Variants in TRPV4 observed in about 807,000 individuals in gnomAD.
TRPV4 encodes OSM9-like transient receptor potential channel 4.
A neutral mutation model predicts 84.1 loss-of-function variants in TRPV4; 58 were observed. The ratio of observed to expected loss-of-function variants is 0.69; its 90% CI spans 0.56 to 0.86. The LOEUF (loss-of-function observed/expected upper bound fraction) is 0.86, where lower values mean the gene tolerates loss of function less well. Among genes scored for constraint, TRPV4 ranks in the 40% least tolerant of loss-of-function variants. The pLI is 0.00. For missense variants in TRPV4, 879 were observed against 1,181.1 expected, an observed-to-expected ratio of 0.74 and a Z score of 3.75; for synonymous variants, 489 against 500.9, an observed-to-expected ratio of 0.98 and a Z score of 0.32.
chr12:109,805,785 C>T (rs1007066470), intron 3 of TRPV4, among the ~76,000 whole-genome samples: 1 of 152,212 alleles, frequency 6.6e-6, no homozygotes, highest in Admixed American at 6.5e-5. Context: ...GACCCACCTC[C>T]AAAGCCTATC....
chr12:109,793,172 A>G lies in TRPV4; in HGVS notation c.1658+355T>C, dbSNP rs1890151823. Among the ~76,000 whole-genome samples, 1 of 152,186 alleles carries G rather than the reference A, an allele frequency of 6.6e-6. No individual in the cohort carries two copies. ...GTAACACACACTCAGTAACTCTCTC[A>G]TTCTCTGTCCCAGGCAGACATCATT... On this transcript the variant is annotated intron_variant, in intron 10 of 15. Coordinates refer to ENST00000261740, the MANE Select transcript of TRPV4 (RefSeq NM_021625.5). The surrounding 1 kb of genome is among the most constrained non-coding windows in gnomAD (Gnocchi z 4.0).
chr12:109,790,228 A>C (rs186777111), intron 12 of TRPV4, among the ~76,000 whole-genome samples: 1 of 152,308 alleles, frequency 6.6e-6, no homozygotes, highest in African/African-American at 2.4e-5. Flanking sequence ...CCCTTGTCAG[A>C]TTCCTGTGCC....
rs539588025 is a variant in TRPV4 at position 109,798,965 on chromosome 12, C to T, written c.854-53G>A. ...TCAGCGAAGGGGGCCCAGGGTGGGA[C>T]TCTGCCTGCAGACACTCGGGGGACG... is the stretch of plus-strand genomic sequence containing the variant. On this transcript the variant is annotated intron_variant, in intron 5 of 15. Transcript: ENST00000261740. The surrounding 1 kb of genome is among the most constrained non-coding windows in gnomAD (Gnocchi z 5.0). 13 of 1,554,164 alleles carry T rather than the reference C, an allele frequency of 8.4e-6. No homozygotes were observed. In the East Asian group the frequency reaches 2.3e-4, roughly 27 times the overall value.
chr12:109,831,660 C>G lies in TRPV4; in HGVS notation c.-32+1690G>C, dbSNP rs1054870914. 2.0e-5 allele frequency among the ~76,000 whole-genome samples: 3 copies of G among 152,322 alleles called. No homozygotes were observed. In the South Asian group the frequency reaches 6.2e-4, roughly 32 times the overall value. ...CAGGAGGAACCTCCACAGCCCCTTC[C>G]CCAGATATAAGGTATCTGGGTTTCA... is the stretch of plus-strand genomic sequence containing the variant. On this transcript the variant is annotated intron_variant, in intron 1 of 15. Transcript: ENST00000261740.
At chr12:109,787,103 G>T (rs1311606602) in intron 13 of TRPV4, among the ~76,000 whole-genome samples, 1 of 152,158 alleles carries the variant, frequency 6.6e-6, no homozygotes, top group Non-Finnish European at 1.5e-5. Flanking sequence ...GTGAGGGAGG[G>T]GTAGAGACTG....
chr12:109,825,185 T>A (rs1305169253), intron 1 of TRPV4, among the ~76,000 whole-genome samples: 2 of 151,858 alleles, frequency 1.3e-5, no homozygotes, highest in Non-Finnish European at 2.9e-5. Flanking sequence ...CTACAAAAAA[T>A]AAATAAATTT....
chr12:109,791,725 C>T (rs1286966026), intron 12 of TRPV4, among the ~76,000 whole-genome samples: 1 of 151,610 alleles, frequency 6.6e-6, no homozygotes, highest in East Asian at 2.0e-4. Flanking sequence ...CTCAAGTGAT[C>T]TACCCGCCTC....
At chr12:109,828,220 C>T (rs751186600) in intron 1 of TRPV4, among the ~76,000 whole-genome samples, 2 of 152,346 alleles carry the variant, frequency 1.3e-5, no homozygotes, top group East Asian at 1.9e-4. Context: ...ATCTGGAGAC[C>T]GGCAAGGGCT....
chr12:109,786,912 A>G lies in TRPV4; in HGVS notation c.2209-75T>C, dbSNP rs944498340. The G allele has an allele frequency of 2.0e-4, 319 of 1,603,570 alleles. No homozygotes were observed. Among genetic ancestry groups the G allele is most frequent in the Non-Finnish European group, 2.6e-4 (309 of 1,174,002 alleles). ...GCCTGCCGCTCTGGTGGCAGAAATG[A>G]GACAACGGGCCAGGGTGGGCCCAGA... On this transcript the variant is annotated intron_variant, in intron 13 of 15. Coordinates refer to ENST00000261740, the MANE Select transcript of TRPV4 (RefSeq NM_021625.5). This position sits in a 1 kb window ranked among gnomAD's most constrained non-coding sequence, Gnocchi z 4.5.
intron 4 of TRPV4, 21 bp from the exon 5 acceptor site, chr12:109,800,779 T>C: frequency 7.0e-7 from 1 of 1,428,446 alleles, no homozygotes; most frequent in African/African-American, 1.5e-5. Flanking sequence ...GGGACGGTCA[T>C]CCAGGGTCCT....
At chr12:109,827,152 T>C (rs931600290) in intron 1 of TRPV4, among the ~76,000 whole-genome samples, 1 of 152,200 alleles carries the variant, frequency 6.6e-6, no homozygotes, top group African/African-American at 2.4e-5. Flanking sequence ...CCCATCCATT[T>C]TTTAACAGAC....
Position 109,786,826 on chromosome 12 carries a change from G to A in TRPV4, c.2220C>T (p.Thr740=), listed in dbSNP as rs773066974. ...KHIWKLQWAT[T]ILDIERSFPV... is the part of the protein sequence containing the mutation. Reference sequence around the variant, plus strand: ...GGAAGGAGCGCTCAATGTCCAGGATGGTGGTGGCCCACTGCGGGGAGGGAG... The same window carrying A: ...GGAAGGAGCGCTCAATGTCCAGGATAGTGGTGGCCCACTGCGGGGAGGGAG... The change falls in exon 14 of 16, where the codon ACC becomes ACT. Residue 740 remains threonine, a synonymous_variant. Transcript: ENST00000261740. This position sits in a 1 kb window ranked among gnomAD's most constrained non-coding sequence, Gnocchi z 4.5. 1 of 1,613,984 alleles carries A rather than the reference G, an allele frequency of 6.2e-7. No homozygotes were observed. Among genetic ancestry groups the A allele is most frequent in the South Asian group, 1.1e-5 (1 of 91,076 alleles).
At chr12:109,790,016 A>G (rs1038990004) in intron 12 of TRPV4, among the ~76,000 whole-genome samples, 1 of 152,170 alleles carries the variant, frequency 6.6e-6, no homozygotes, top group African/African-American at 2.4e-5. Context: ...CTTAGTTTCA[A>G]TAACTAGGAC....
At position 109,792,394 on chromosome 12, in the gene TRPV4, G is replaced by T; in HGVS notation, c.1860C>A (p.Val620=). The part of the protein sequence containing the change: ...LFKDLFRFLL[V]YLLFMIGYAS... Reference sequence around the variant, plus strand: ...CGTAGCCGATCATGAAGAGCAAGTAGACGAGCAGGAATCGGAAAAGGTCCT... The same window carrying T: ...CGTAGCCGATCATGAAGAGCAAGTATACGAGCAGGAATCGGAAAAGGTCCT... The change falls in exon 12 of 16, where the codon GTC becomes GTA. Residue 620 remains valine (V), a synonymous_variant. Transcript: ENST00000261740. 1 of 1,613,940 alleles carries T rather than the reference G, an allele frequency of 6.2e-7. No individual in the cohort carries two copies. Among genetic ancestry groups the T allele is most frequent in the South Asian group, 1.1e-5 (1 of 91,052 alleles).
chr12:109,818,140 G>T (rs982704764), intron 1 of TRPV4, among the ~76,000 whole-genome samples: 1 of 151,874 alleles, frequency 6.6e-6, no homozygotes, highest in South Asian at 2.1e-4. Context: ...ATCCCTCCAT[G>T]GACTGGGGAT....
rs1038471487 is a variant in TRPV4 at position 109,819,747 on chromosome 12, C to T, written c.-31-4920G>A. ...TCAGCTAATTTTTGTATTTTTAGTA[C>T]AGACGGGGTTTCACATGTTGGCCAG... is the stretch of plus-strand genomic sequence containing the variant. On this transcript the variant is annotated intron_variant, in intron 1 of 15. Transcript: ENST00000261740. 3.3e-5 allele frequency among the ~76,000 whole-genome samples: 5 copies of T among 152,104 alleles called. No individual in the cohort carries two copies. In the South Asian group the frequency reaches 6.2e-4, roughly 19 times the overall value.
At chr12:109,817,689 C>T (rs1020380956) in intron 1 of TRPV4, among the ~76,000 whole-genome samples, 6 of 152,230 alleles carry the variant, frequency 3.9e-5, no homozygotes, top group African/African-American at 1.4e-4. Flanking sequence ...ACCATCCTCG[C>T]CTGATGACGT....
intron 1 of TRPV4, among the ~76,000 whole-genome samples, chr12:109,819,674 G>C (rs1473864317): frequency 2.6e-5 from 4 of 152,198 alleles, no homozygotes; most frequent in Non-Finnish European, 5.9e-5. Flanking sequence ...CAATTCTCCT[G>C]CCTCAGCCTC....
Position 109,793,595 on chromosome 12 carries a change from T to G in TRPV4, c.1590A>C (p.Lys530Asn), listed in dbSNP as rs768130865. The change falls in exon 10 of 16, where the codon AAA (lysine) becomes AAC (asparagine). Residue 530 changes from lysine to asparagine, a missense_variant. This residue lies in a region of TRPV4 where 521 missense variants were observed against 686.6 expected (regional missense o/e 0.76). Transcript: ENST00000261740. This position sits in a 1 kb window ranked among gnomAD's most constrained non-coding sequence, Gnocchi z 4.0. The stretch of plus-strand genomic sequence containing the variant: ...CAGGGCATTTCTTCATGAACAAGTC[T>G]TTGATCTGGAAGACAGGAGGGGGCA... ...TGVLFFFTNI[K>N]DLFMKKCPGV... is the part of the protein sequence containing the mutation. 2.5e-6 allele frequency: 4 copies of G among 1,613,650 alleles called. No individual in the cohort carries two copies. The highest frequency in any genetic ancestry group is 3.4e-6 in the Non-Finnish European group (4 of 1,179,872).
Sources: allele counts gnomAD v4.1 joint callset (sites outside exome capture counted in the v4.1 genomes callset), GRCh38; gene constraint gnomAD v4.1.1; regional missense constraint gnomAD v4.1.1; non-coding constraint Gnocchi (gnomAD v3.1); transcripts MANE v1.5; gene names NCBI Gene and HGNC (gene_info 2026-07-23, HGNC 2026-07-21).